Variants in SH3RF3 observed in about 807,000 individuals in gnomAD.
SH3RF3 encodes the protein E3 ubiquitin-protein ligase SH3RF3.
SH3RF3 carries 29 observed loss-of-function variants against 66.3 expected under a neutral mutation model. The observed-to-expected ratio is 0.44, with a 90% CI of 0.33 to 0.60. SH3RF3 has a LOEUF of 0.60. Ranked by LOEUF, SH3RF3 falls within the 20% of genes least tolerant of loss-of-function variation. SH3RF3 has a pLI of 0.04. For missense variants in SH3RF3, 1,194 were observed against 1,190.9 expected (o/e 1.00, Z -0.04); for synonymous variants, 583 against 532.0 (o/e 1.10, Z -1.32).
chr2:109,490,589 T>A lies in SH3RF3; in HGVS notation c.2149-16T>A. Reference sequence around the variant, plus strand: ...AGCATTCACCTGTTTGGTTTCCATCTTGTGTGTCTCCCCAGAAAGAGAAGA... The same window carrying A: ...AGCATTCACCTGTTTGGTTTCCATCATGTGTGTCTCCCCAGAAAGAGAAGA... On this transcript the variant is annotated splice_polypyrimidine_tract_variant and intron_variant, in intron 8 of 9. Coordinates refer to ENST00000309415, the MANE Select transcript of SH3RF3 (RefSeq NM_001099289.3). The A allele has an allele frequency of 7.1e-7, 1 of 1,416,640 alleles. No homozygotes were observed. The highest frequency in any genetic ancestry group is 9.2e-7 in the Non-Finnish European group (1 of 1,083,882). 87.8% of individuals were successfully genotyped at this position (1,416,640 alleles called of 1,614,324 possible). A position where few individuals can be genotyped will look rare whatever the true frequency, so the allele number is the denominator to read the frequency against.
chr2:109,444,551 G>A (rs150886316), intron 7 of SH3RF3, among the ~76,000 whole-genome samples: 1 of 152,316 alleles, frequency 6.6e-6, no homozygotes, highest in Non-Finnish European at 1.5e-5. Context: ...TCCACCTGGG[G>A]TGTGAGAGAA....
chr2:109,237,166 G>A (rs1216094936), intron 1 of SH3RF3, among the ~76,000 whole-genome samples: 1 of 152,194 alleles, frequency 6.6e-6, no homozygotes, highest in Non-Finnish European at 1.5e-5. Context: ...GTTAATATTT[G>A]TAATATATGA....
intron 1 of SH3RF3, among the ~76,000 whole-genome samples, chr2:109,284,506 C>A (rs1680979198): frequency 6.6e-6 from 1 of 152,158 alleles, no homozygotes; most frequent in South Asian, 2.1e-4. Context: ...TCTCGTCCAG[C>A]CTTGGAAGCC....
At chr2:109,246,768 G>A (rs1316209511) in intron 1 of SH3RF3, among the ~76,000 whole-genome samples, 1 of 152,238 alleles carries the variant, frequency 6.6e-6, no homozygotes, top group Non-Finnish European at 1.5e-5. Flanking sequence ...TGATACCTGA[G>A]CCTGGAGAGC....
In SH3RF3 at chr2:109,398,518, G is replaced by C. The variant is rs1676212775; in HGVS notation, c.946-72G>C. 2.7e-5 allele frequency: 36 copies of C among 1,326,264 alleles called. No homozygotes were observed. In the South Asian group the frequency reaches 4.8e-4, roughly 18 times the overall value. 82.2% of individuals were successfully genotyped at this position (1,326,264 alleles called of 1,614,324 possible). ...AGTTTGTGAATGGAAATGTGGCCTG[G>C]AGAGTGCAGAGGGCTGGTGTGGCAT... On this transcript the variant is annotated intron_variant, in intron 3 of 9. Coordinates refer to ENST00000309415, the MANE Select transcript of SH3RF3 (RefSeq NM_001099289.3).
At chr2:109,365,875 A>G (rs1421565063) in intron 2 of SH3RF3, among the ~76,000 whole-genome samples, 1 of 152,212 alleles carries the variant, frequency 6.6e-6, no homozygotes, top group Non-Finnish European at 1.5e-5. Flanking sequence ...AACTTTCTTT[A>G]CAAAAGAAAA....
At chr2:109,335,446 C>T (rs2105505665) in intron 1 of SH3RF3, among the ~76,000 whole-genome samples, 1 of 152,338 alleles carries the variant, frequency 6.6e-6, no homozygotes, top group South Asian at 2.1e-4. Context: ...CACCTCCTCT[C>T]TGCCCCTCAG....
At chr2:109,425,842 A>G (rs1192828177) in intron 5 of SH3RF3, among the ~76,000 whole-genome samples, 1 of 152,194 alleles carries the variant, frequency 6.6e-6, no homozygotes, top group Non-Finnish European at 1.5e-5. Flanking sequence ...TGGATCGAGG[A>G]TAGTTTAGAT....
At chr2:109,290,945 C>T (rs962719473) in intron 1 of SH3RF3, among the ~76,000 whole-genome samples, 9 of 152,226 alleles carry the variant, frequency 5.9e-5, no homozygotes, top group African/African-American at 2.2e-4. Context: ...TTACTGTTTT[C>T]CTGGGGTGCC....
At chr2:109,456,509 C>G (rs112018135) in intron 8 of SH3RF3, among the ~76,000 whole-genome samples, 1,749 of 152,334 alleles carry the variant, frequency 0.011, 38 homozygotes, top group African/African-American at 0.039. Context: ...CCCGTCAGAG[C>G]ACAGGCCCTC....
At chr2:109,440,920 G>T (rs750072041) in intron 7 of SH3RF3, among the ~76,000 whole-genome samples, 65 of 152,104 alleles carry the variant, frequency 4.3e-4, no homozygotes, top group Non-Finnish European at 7.9e-4. Context: ...ACACCAGCTG[G>T]AAATAGTGCC....
At position 109,205,649 on chromosome 2, in the gene SH3RF3, C is replaced by A. The variant is rs141905795; in HGVS notation, c.573+75536C>A. On this transcript the variant is annotated intron_variant, in intron 1 of 9. Transcript: ENST00000309415. ...AGGCCACGGTGAGAATCACATGGCTCAGTCTGTTGGTGTCAGGGTCTGCAC... is the reference window on the plus strand; with the variant it reads ...AGGCCACGGTGAGAATCACATGGCTAAGTCTGTTGGTGTCAGGGTCTGCAC... Among the ~76,000 whole-genome samples, 35 of 152,262 alleles carry A rather than the reference C, an allele frequency of 2.3e-4. No homozygotes were observed. In the East Asian group the frequency reaches 6.8e-3, roughly 30 times the overall value.
At chr2:109,372,483 C>T (rs1683295034) in intron 3 of SH3RF3, among the ~76,000 whole-genome samples, 1 of 152,222 alleles carries the variant, frequency 6.6e-6, no homozygotes, top group Non-Finnish European at 1.5e-5. Context: ...TGAATGCTTA[C>T]TGAGTGCTTG....
intron 1 of SH3RF3, among the ~76,000 whole-genome samples, chr2:109,343,936 G>A (rs576950984): frequency 2.0e-5 from 3 of 152,130 alleles, no homozygotes; most frequent in South Asian, 2.1e-4. Flanking sequence ...TAGAGATAGG[G>A]TCTCAGCGTG....
intron 1 of SH3RF3, among the ~76,000 whole-genome samples, chr2:109,251,930 G>A (rs1170015188): frequency 3.9e-5 from 6 of 152,122 alleles, no homozygotes; most frequent in Non-Finnish European, 5.9e-5. Flanking sequence ...ATCGGCAAAA[G>A]TACCCCCCAA....
intron 1 of SH3RF3, among the ~76,000 whole-genome samples, chr2:109,338,304 G>A (rs1682477095): frequency 6.6e-6 from 1 of 152,144 alleles, no homozygotes; most frequent in Admixed American, 6.5e-5. Context: ...GGAGCAGGCA[G>A]GGTGTGGCAG....
chr2:109,176,759 T>A (rs1463811734), intron 1 of SH3RF3, among the ~76,000 whole-genome samples: 1 of 152,148 alleles, frequency 6.6e-6, no homozygotes, highest in Non-Finnish European at 1.5e-5. Context: ...CATAGGGGCA[T>A]GGAAACAGGA....
chr2:109,449,470 A>G lies in SH3RF3; in HGVS notation c.2129A>G (p.Asp710Gly). 6.2e-7 allele frequency: 1 copy of G among 1,613,952 alleles called. No individual in the cohort carries two copies. Reference protein sequence around the residue: ...SSPTNTGCKLDEKKSEKKEKK... With the variant: ...SSPTNTGCKLGEKKSEKKEKK... Reference sequence around the variant, plus strand: ...CCCACCAACACGGGATGCAAACTAGACGAGAAGAAAAGTGAAAAGGTAAGA... The same window carrying G: ...CCCACCAACACGGGATGCAAACTAGGCGAGAAGAAAAGTGAAAAGGTAAGA... The change falls in exon 8 of 10, where the codon GAC (aspartate) becomes GGC (glycine). Residue 710 changes from aspartate (D) to glycine (G), a missense_variant. Physicochemically the swap from Asp to Gly is moderately conservative, Grantham distance 94. Coordinates refer to ENST00000309415, the MANE Select transcript of SH3RF3 (RefSeq NM_001099289.3).
At chr2:109,195,681 A>G (rs1162315988) in intron 1 of SH3RF3, among the ~76,000 whole-genome samples, 1 of 151,846 alleles carries the variant, frequency 6.6e-6, no homozygotes, top group Non-Finnish European at 1.5e-5. Context: ...TTTGCATCTT[A>G]TTTTTCTGAG....
Sources: gnomAD v4.1 joint callset for allele counts (sites outside exome capture counted in the v4.1 genomes callset) on GRCh38, gnomAD v4.1.1 for gene constraint, MANE v1.5 for transcripts, NCBI Gene and HGNC (gene_info 2026-07-23, HGNC 2026-07-21) for gene names.